RBPMS: variants seen among roughly 807,000 people sequenced by gnomAD.
The protein encoded by RBPMS is RNA binding protein, mRNA processing factor.
A neutral mutation model predicts 26.8 loss-of-function variants in RBPMS; 7 were observed. The observed-to-expected ratio is 0.26, with a 90% CI of 0.15 to 0.49. The LOEUF is 0.49. Among genes scored for constraint, RBPMS ranks in the 20% least tolerant of loss-of-function variants. The pLI, the probability that RBPMS is intolerant of heterozygous loss-of-function variation, is 0.98. For synonymous variants in RBPMS, 96 were observed against 93.3 expected (o/e 1.03, Z -0.17); for missense variants, 186 against 250.0 (o/e 0.74, Z 1.73).
chr8:30,534,395 G>T (rs966841925), intron 5 of RBPMS, among the ~76,000 whole-genome samples: 2 of 152,190 alleles, frequency 1.3e-5, no homozygotes, highest in African/African-American at 4.8e-5. Context: ...TACTATACAC[G>T]TAAGCACAAA....
intron 4 of RBPMS, among the ~76,000 whole-genome samples, chr8:30,480,616 C>T (rs1818172449): frequency 6.6e-6 from 1 of 152,166 alleles, no homozygotes; most frequent in Non-Finnish European, 1.5e-5. Flanking sequence ...AGAATAACTG[C>T]CTACTCACTC....
chr8:30,461,158 A>G (rs137869676), intron 1 of RBPMS, among the ~76,000 whole-genome samples: 192 of 152,176 alleles, frequency 1.3e-3, no homozygotes, highest in African/African-American at 4.3e-3. Flanking sequence ...AGCTTTACCA[A>G]CTGATACCAA....
chr8:30,421,742 G>A (rs531159318), intron 1 of RBPMS, among the ~76,000 whole-genome samples: 28 of 152,204 alleles, frequency 1.8e-4, no homozygotes, highest in African/African-American at 6.5e-4. Flanking sequence ...GGATCACAAG[G>A]TCAAGAGATC....
intron 1 of RBPMS, among the ~76,000 whole-genome samples, chr8:30,427,249 A>G (rs1811461811): frequency 6.6e-6 from 1 of 152,180 alleles, no homozygotes; most frequent in Admixed American, 6.5e-5. Flanking sequence ...GCTCTATCAC[A>G]TGTGATCACT....
At chr8:30,474,152 G>A (rs1194702890) in intron 1 of RBPMS, among the ~76,000 whole-genome samples, 1 of 152,150 alleles carries the variant, frequency 6.6e-6, no homozygotes, top group African/African-American at 2.4e-5. Context: ...TGGCCCTGCT[G>A]TTTTGGAACC....
At chr8:30,423,830 T>TTTTGTTGTTG (rs139494534) in intron 1 of RBPMS, among the ~76,000 whole-genome samples, 6 of 151,216 alleles carry the variant, frequency 4.0e-5, no homozygotes, top group Admixed American at 1.3e-4. Flanking sequence ...TTTTGTTTTT[T>TTTTGTTGTTG]TTGTTGTTGT....
chr8:30,496,820 A>G (rs1005739296), intron 4 of RBPMS, among the ~76,000 whole-genome samples: 1 of 152,182 alleles, frequency 6.6e-6, no homozygotes, highest in Non-Finnish European at 1.5e-5. Context: ...TCTCCACTGT[A>G]ATAGATTACC....
intron 1 of RBPMS, among the ~76,000 whole-genome samples, chr8:30,415,678 T>A (rs1809984516): frequency 6.6e-6 from 1 of 152,166 alleles, no homozygotes; most frequent in Non-Finnish European, 1.5e-5. Context: ...TAGGCTTGGC[T>A]GGAAAGTCTG....
rs117655574 is a variant in RBPMS at position 30,570,685 on chromosome 8, G to A, written c.*160G>A. On this transcript the variant is annotated 3_prime_UTR_variant, in exon 9 of 9. Transcript: ENST00000397323. Reference sequence around the variant, plus strand: ...TTGATCCCTTCAAGACTTTGTCACAGCCTCTATCACACATCTGTTTTTCTC... The same window carrying A: ...TTGATCCCTTCAAGACTTTGTCACAACCTCTATCACACATCTGTTTTTCTC... The A allele has an allele frequency of 2.0e-5, 3 of 152,610 alleles. No individual in the cohort carries two copies. The highest frequency in any genetic ancestry group is 4.4e-5 in the Non-Finnish European group (3 of 68,018). 9.5% of individuals were successfully genotyped at this position (152,610 alleles called of 1,614,324 possible).
chr8:30,416,310 G>T (rs577415911), intron 1 of RBPMS, among the ~76,000 whole-genome samples: 24 of 152,144 alleles, frequency 1.6e-4, no homozygotes, highest in Admixed American at 2.0e-4. Context: ...GATTTTCATT[G>T]TTTTGTTGTT....
At chr8:30,423,830 T>TTTTGTTG (rs139494534) in intron 1 of RBPMS, among the ~76,000 whole-genome samples, 1 of 151,100 alleles carries the variant, frequency 6.6e-6, no homozygotes, top group Non-Finnish European at 1.5e-5. Context: ...TTTTGTTTTT[T>TTTTGTTG]TTGTTGTTGT....
chr8:30,388,111 A>G (rs1390428323), intron 1 of RBPMS, among the ~76,000 whole-genome samples: 1 of 152,170 alleles, frequency 6.6e-6, no homozygotes, highest in South Asian at 2.1e-4. Flanking sequence ...TAATACACGT[A>G]CAATGTATTA....
intron 1 of RBPMS, among the ~76,000 whole-genome samples, chr8:30,457,137 C>G (rs369294735): frequency 6.6e-5 from 10 of 152,350 alleles, no homozygotes; most frequent in African/African-American, 2.4e-4. Flanking sequence ...CATGTCTGCT[C>G]TGAAACATCC....
At chr8:30,549,772 T>TTCTCTCTCTCTCTCTCTCTCTCTCTC (rs1181705539) in intron 6 of RBPMS, among the ~76,000 whole-genome samples, 21 of 71,210 alleles carry the variant, frequency 2.9e-4, no homozygotes, top group Admixed American at 1.3e-3. Context: ...TTTTCTTTTC[T>TTCTCTCTCTCTCTCTCTCTCTCTCTC]TCTCTCTCTC....
At chr8:30,519,236 T>A (rs534759475) in intron 5 of RBPMS, among the ~76,000 whole-genome samples, 39 of 152,224 alleles carry the variant, frequency 2.6e-4, no homozygotes, top group Admixed American at 8.5e-4. Context: ...CTGGTAAATA[T>A]ACCAAAATAT....
chr8:30,544,471 C>T (rs766987603), intron 5 of RBPMS, 23 bp from the exon 6 acceptor site: 2 of 1,610,996 alleles, frequency 1.2e-6, no homozygotes. Flanking sequence ...ACCACTAACT[C>T]TCGCCTTATT....
intron 4 of RBPMS, among the ~76,000 whole-genome samples, chr8:30,481,788 ATC>A (rs2150854079): frequency 6.6e-6 from 1 of 152,162 alleles, no homozygotes; most frequent in East Asian, 1.9e-4. Context: ...CTCCTGGCTG[ATC>A]TCTTTCTTGA....
intron 1 of RBPMS, among the ~76,000 whole-genome samples, chr8:30,463,372 G>C (rs968701652): frequency 6.6e-6 from 1 of 152,212 alleles, no homozygotes; most frequent in African/African-American, 2.4e-5. Flanking sequence ...CTGAAGACTT[G>C]ACTAGGCGTG....
chr8:30,447,404 G>A (rs572778426), intron 1 of RBPMS, among the ~76,000 whole-genome samples: 4 of 152,226 alleles, frequency 2.6e-5, no homozygotes, highest in South Asian at 2.1e-4. Context: ...GGAAGTTAGC[G>A]GTTAGAATAG....
Sources: allele counts gnomAD v4.1 joint callset (sites outside exome capture counted in the v4.1 genomes callset), GRCh38; gene constraint gnomAD v4.1.1; transcripts MANE v1.5; gene names NCBI Gene and HGNC (gene_info 2026-07-23, HGNC 2026-07-21).